The following USH2A variants were observed in gnomAD, a reference collection of about 807,000 sequenced individuals.
The protein encoded by USH2A is Usher syndrome 2A (autosomal recessive, mild).
A neutral mutation model predicts 538.9 loss-of-function variants in USH2A; 443 were observed. The ratio of observed to expected loss-of-function variants is 0.82; its 90% confidence interval spans 0.76 to 0.89. The LOEUF is 0.89. Ranked by LOEUF, USH2A falls within the 40% of genes least tolerant of loss-of-function variation. The pLI, the probability that USH2A is intolerant of heterozygous loss-of-function variation, is 0.00. For synonymous variants in USH2A, 2,413 were observed against 2,273.5 expected (o/e 1.06, Z -1.75); for missense variants, 6,633 against 6,324.8 (o/e 1.05, Z -1.65).
chr1:216,381,784 C>T (rs986102970), intron 3 of USH2A, among the ~76,000 whole-genome samples: 4 of 152,242 alleles, frequency 2.6e-5, no homozygotes, highest in African/African-American at 9.6e-5. Flanking sequence ...GTACAGTCTT[C>T]AAGGGATTGG....
intron 14 of USH2A, among the ~76,000 whole-genome samples, chr1:216,218,161 G>T (rs1328941991): frequency 2.6e-5 from 4 of 152,028 alleles, no homozygotes; most frequent in Non-Finnish European, 4.4e-5. Flanking sequence ...TATCCATAAT[G>T]GTTGGAGAAT....
chr1:215,984,794 T>A (rs1667833797), intron 35 of USH2A, among the ~76,000 whole-genome samples: 3 of 152,196 alleles, frequency 2.0e-5, no homozygotes, highest in Admixed American at 2.0e-4. Context: ...TATTTGTTTG[T>A]CTTTTCCAGT....
intron 61 of USH2A, among the ~76,000 whole-genome samples, chr1:215,683,494 C>T (rs1658310294): frequency 6.6e-6 from 1 of 152,150 alleles, no homozygotes; most frequent in South Asian, 2.1e-4. Flanking sequence ...GGATGCAGTT[C>T]ACTCTGTGAA....
At chr1:216,002,964 G>A (rs781236592) in intron 32 of USH2A, among the ~76,000 whole-genome samples, 4 of 152,044 alleles carry the variant, frequency 2.6e-5, no homozygotes, top group Admixed American at 6.6e-5. Context: ...AACTGCATGC[G>A]TTGAAGGTGA....
At chr1:216,252,193 A>G (rs1469329214) in intron 11 of USH2A, among the ~76,000 whole-genome samples, 1 of 152,250 alleles carries the variant, frequency 6.6e-6, no homozygotes, top group Admixed American at 6.5e-5. Context: ...TTAAAGAAAG[A>G]TAAGAACTAA....
At chr1:216,182,303 T>C (rs1329316908) in intron 20 of USH2A, among the ~76,000 whole-genome samples, 1 of 152,088 alleles carries the variant, frequency 6.6e-6, no homozygotes, top group Non-Finnish European at 1.5e-5. Flanking sequence ...ATTCAGTCAA[T>C]TTTTACATAG....
chr1:215,695,266 C>G, intron 61 of USH2A, among the ~76,000 whole-genome samples: 1 of 152,152 alleles, frequency 6.6e-6, no homozygotes, highest in East Asian at 1.9e-4. Flanking sequence ...GCAGCCAAAT[C>G]CACCTTTGAC....
At chr1:216,190,114 G>A (rs2034684871) in intron 20 of USH2A, 109 bp downstream of exon 20, 29 of 1,460,836 alleles carry the variant, frequency 2.0e-5, no homozygotes, top group Non-Finnish European at 2.5e-5. Context: ...CAGAGTTAGT[G>A]AGGGAGGAGA....
Position 215,782,951 on chromosome 1 carries a change from A to C in USH2A, c.10388-16T>G. 6.2e-7 allele frequency: 1 copy of C among 1,609,064 alleles called. No individual in the cohort carries two copies. Among genetic ancestry groups the C allele is most frequent in the African/African-American group, 1.3e-5 (1 of 74,904 alleles). On this transcript the variant is annotated splice_polypyrimidine_tract_variant and intron_variant, in intron 52 of 71. Coordinates refer to ENST00000307340, the MANE Select transcript of USH2A (RefSeq NM_206933.4). ...AGGTTCACATCTGGAAAGAGAAAAA[A>C]TAGACAGGGAAGTTTCTCTTATTTT... is the stretch of plus-strand genomic sequence containing the variant.
chr1:215,888,637 G>T lies in USH2A; in HGVS notation c.8012C>A (p.Thr2671Asn). 6.2e-7 allele frequency: 1 copy of T among 1,614,134 alleles called. No homozygotes were observed. The highest frequency in any genetic ancestry group is 2.2e-5 in the East Asian group (1 of 44,866). ...ATGACTCCTCGGGAGAGTCACCAGG[G>T]TAGTAACTTCTTCCTTTCCTTTGAC... is the stretch of plus-strand genomic sequence containing the variant. The part of the protein sequence containing the change: ...RRVKGKEEVT[T>N]LVTLPRSHSM... Residue 2671 changes from threonine (T) to asparagine (N), a missense_variant, in exon 41 of 72, where the codon ACC (threonine) becomes AAC (asparagine). Thr to Asn is a moderately conservative substitution (Grantham distance 65, BLOSUM62 0). Coordinates refer to ENST00000307340, the MANE Select transcript of USH2A (RefSeq NM_206933.4).
intron 30 of USH2A, among the ~76,000 whole-genome samples, chr1:216,067,032 T>C (rs1411305675): frequency 6.6e-6 from 1 of 152,220 alleles, no homozygotes. Flanking sequence ...TAAATTATAT[T>C]AATTACAACG....
At position 215,743,416 on chromosome 1, in the gene USH2A, G is replaced by GTCTATATA. The variant is rs1491186893; in HGVS notation, c.11390-82_11390-81insTATATAGA. On this transcript the variant is annotated intron_variant, in intron 58 of 71. Coordinates refer to ENST00000307340, the MANE Select transcript of USH2A (RefSeq NM_206933.4). The stretch of plus-strand genomic sequence containing the variant: ...TGTGTGTGTGTGTGTGTGTGTGTGT[G>GTCTATATA]TATATATATATAGACACACATATAT... 2,370 of 237,864 alleles carry GTCTATATA rather than the reference G, an allele frequency of 1.0e-2. 153 individuals carry two copies. The highest frequency in any genetic ancestry group is 0.011 in the Non-Finnish European group (1,604 of 140,720). The allele number at this position is 237,864 out of a possible 1,614,324, so 14.7% of individuals were successfully genotyped here. A position where few individuals can be genotyped will look rare whatever the true frequency, so the allele number is the denominator to read the frequency against.
At chr1:215,812,127 G>T (rs1291280226) in intron 49 of USH2A, among the ~76,000 whole-genome samples, 3 of 150,682 alleles carry the variant, frequency 2.0e-5, no homozygotes, top group Non-Finnish European at 4.4e-5. Context: ...TGGGATTACA[G>T]GAGCCTGCCA....
At position 216,059,511 on chromosome 1, in the gene USH2A, T is replaced by C. The variant is rs1367292490; in HGVS notation, c.6049+10590A>G. Reference sequence around the variant, plus strand: ...TAACAGATGTTGACATTTTCCATACTGGATAGCATCCTTTGCCTATGACAC... The same window carrying C: ...TAACAGATGTTGACATTTTCCATACCGGATAGCATCCTTTGCCTATGACAC... On this transcript the variant is annotated intron_variant, in intron 30 of 71. Transcript: ENST00000307340. Among the ~76,000 whole-genome samples, 5 of 152,230 alleles carry C rather than the reference T, an allele frequency of 3.3e-5. No individual in the cohort carries two copies. In the South Asian group the frequency reaches 6.2e-4, roughly 19 times the overall value.
intron 14 of USH2A, among the ~76,000 whole-genome samples, chr1:216,219,012 A>G (rs1043357304): frequency 2.7e-5 from 4 of 149,968 alleles, no homozygotes; most frequent in Non-Finnish European, 3.0e-5. Context: ...GTGTGTGTGT[A>G]TATATGTATG....
intron 38 of USH2A, among the ~76,000 whole-genome samples, chr1:215,921,957 T>C (rs1402377946): frequency 6.6e-6 from 1 of 152,070 alleles, no homozygotes; most frequent in African/African-American, 2.4e-5. Context: ...TACATGATCT[T>C]AATTTTTCTC....
chr1:215,945,380 C>T (rs1471721106), intron 37 of USH2A, among the ~76,000 whole-genome samples: 3 of 152,044 alleles, frequency 2.0e-5, no homozygotes, highest in African/African-American at 7.2e-5. Flanking sequence ...TTATTGTTAA[C>T]CTAGACCAGT....
chr1:215,751,697 A>G (rs1660627721), intron 58 of USH2A, among the ~76,000 whole-genome samples: 1 of 152,298 alleles, frequency 6.6e-6, no homozygotes, highest in Admixed American at 6.5e-5. Flanking sequence ...TCTCTTTAAT[A>G]TGAATACAAA....
rs202009522 is a variant in USH2A at position 215,786,849 on chromosome 1, C to T, written c.10208G>A (p.Cys3403Tyr). 2.2e-5 allele frequency: 35 copies of T among 1,613,714 alleles called. No homozygotes were observed. The highest frequency in any genetic ancestry group is 2.9e-5 in the Non-Finnish European group (34 of 1,179,908). The part of the protein sequence containing the change: ...MKETKECRIL[C>Y]PASMEATEHC... The stretch of plus-strand genomic sequence containing the variant: ...TTCTGTGGCTTCCATAGATGCTGGG[C>T]AGAGGATCCTGCACTCTTTGGTTTC... Residue 3403 changes from cysteine to tyrosine, a missense_variant, in exon 52 of 72, where the codon TGC becomes TAC. Coordinates refer to ENST00000307340, the MANE Select transcript of USH2A (RefSeq NM_206933.4).
Sources: gnomAD v4.1 joint callset for allele counts (sites outside exome capture counted in the v4.1 genomes callset) on GRCh38, gnomAD v4.1.1 for gene constraint, MANE v1.5 for transcripts, NCBI Gene and HGNC (gene_info 2026-07-23, HGNC 2026-07-21) for gene names.